The following RARS2 variants were observed in gnomAD, a reference collection of about 807,000 sequenced individuals.
RARS2 encodes the protein arginyl-tRNA synthetase 2, mitochondrial, also known as probable arginine--tRNA ligase, mitochondrial.
RARS2 carries 67 observed loss-of-function variants against 88.5 expected under a neutral mutation model. The ratio of observed to expected loss-of-function variants is 0.76; its 90% CI spans 0.62 to 0.93. RARS2 has a LOEUF of 0.93. Among genes scored for constraint, RARS2 ranks in the 40% least tolerant of loss-of-function variants. RARS2 has a pLI of 0.00. For missense variants in RARS2, 664 were observed against 684.2 expected, an observed-to-expected ratio of 0.97 and a Z score of 0.33; for synonymous variants, 239 against 230.3, an observed-to-expected ratio of 1.04 and a Z score of -0.34.
chr6:87,553,231 C>T (rs1214586789), intron 5 of RARS2, among the ~76,000 whole-genome samples: 4 of 151,374 alleles, frequency 2.6e-5, no homozygotes, highest in Admixed American at 2.6e-4. Context: ...AGAGAGATGC[C>T]TGGCTAGAGA....
chr6:87,520,370 T>C (rs537781634), intron 12 of RARS2, 114 bp from the exon 13 acceptor site: 22 of 806,660 alleles, frequency 2.7e-5, no homozygotes, highest in South Asian at 1.5e-4. Context: ...AAGTCGTCAA[T>C]TGATATGTTT....
At chr6:87,583,355 C>T (rs1005389592) in intron 1 of RARS2, among the ~76,000 whole-genome samples, 11 of 152,046 alleles carry the variant, frequency 7.2e-5, no homozygotes, top group Non-Finnish European at 1.5e-4. Context: ...TTTGCGAGGC[C>T]GAAGCATGCA....
chr6:87,553,101 A>G (rs921652163), intron 5 of RARS2, among the ~76,000 whole-genome samples: 21 of 152,186 alleles, frequency 1.4e-4, no homozygotes, highest in Non-Finnish European at 2.9e-4. Flanking sequence ...TCATCAGCAG[A>G]AAGTGACAAA....
At chr6:87,525,706 C>A (rs908852809) in intron 10 of RARS2, among the ~76,000 whole-genome samples, 1 of 152,074 alleles carries the variant, frequency 6.6e-6, no homozygotes, top group Admixed American at 6.5e-5. Context: ...GCCACCACGT[C>A]CAGTTAATTT....
intron 1 of RARS2, among the ~76,000 whole-genome samples, chr6:87,587,161 A>T (rs1186775373): frequency 6.6e-6 from 1 of 152,144 alleles, no homozygotes; most frequent in Non-Finnish European, 1.5e-5. Context: ...CTGGGGTTAT[A>T]GGCATGAGCC....
chr6:87,557,589 C>T (rs1786375948), intron 4 of RARS2, among the ~76,000 whole-genome samples: 1 of 152,182 alleles, frequency 6.6e-6, no homozygotes, highest in African/African-American at 2.4e-5. Flanking sequence ...AAAAATTGAT[C>T]ATTTAAAATA....
intron 10 of RARS2, 85 bp downstream of exon 10, chr6:87,529,457 A>G: frequency 2.2e-6 from 2 of 896,498 alleles, no homozygotes; most frequent in Non-Finnish European, 3.8e-6. Context: ...TGCACATTGC[A>G]TTCTGTTGTC....
At chr6:87,553,725 G>C (rs1462009574) in intron 5 of RARS2, among the ~76,000 whole-genome samples, 8 of 152,216 alleles carry the variant, frequency 5.3e-5, no homozygotes, top group Non-Finnish European at 1.2e-4. Context: ...GATGGCCTTA[G>C]TGTAGTTCCT....
chr6:87,530,857 C>T lies in RARS2; in HGVS notation c.698G>A (p.Gly233Asp). 1 of 1,614,184 alleles carries T rather than the reference C, an allele frequency of 6.2e-7. No individual in the cohort carries two copies. The highest frequency in any genetic ancestry group is 8.5e-7 in the Non-Finnish European group (1 of 1,180,022). ...CCACAGTGAAAGTGCTTGCACATCGCCCAGTTCCAATCGTTGGAAGAACTC... is the reference window on the plus strand; with the variant it reads ...CCACAGTGAAAGTGCTTGCACATCGTCCAGTTCCAATCGTTGGAAGAACTC... Reference protein sequence around the residue: ...AQEFFQRLELGDVQALSLWQK... With the variant: ...AQEFFQRLELDDVQALSLWQK... The change falls in exon 9 of 20, where the codon GGC becomes GAC. Residue 233 changes from glycine to aspartate, a missense_variant. By Grantham distance (94) the Gly-to-Asp change is moderately conservative (BLOSUM62 -1). Coordinates refer to ENST00000369536, the MANE Select transcript of RARS2 (RefSeq NM_020320.5).
intron 10 of RARS2, 40 bp downstream of exon 10, chr6:87,529,502 G>C: frequency 7.9e-7 from 1 of 1,272,826 alleles, no homozygotes; most frequent in Non-Finnish European, 1.1e-6. Context: ...CAATTTCAAA[G>C]AACAAATAAT....
At chr6:87,580,841 T>C (rs1390192558) in intron 1 of RARS2, among the ~76,000 whole-genome samples, 2 of 152,060 alleles carry the variant, frequency 1.3e-5, no homozygotes, top group South Asian at 2.1e-4. Flanking sequence ...AACTGCCAGA[T>C]CTCGTTTGAG....
Position 87,564,162 on chromosome 6 carries a change from T to C in RARS2, c.181A>G (p.Ile61Val). 1.9e-6 allele frequency: 3 copies of C among 1,613,302 alleles called. No homozygotes were observed. Among genetic ancestry groups the C allele is most frequent in the Non-Finnish European group, 2.5e-6 (3 of 1,179,250 alleles). The change falls in exon 3 of 20, where the codon ATT becomes GTT. Residue 61 changes from isoleucine (I) to valine (V), a missense_variant. Physicochemically the swap from Ile to Val is conservative, Grantham distance 29. Transcript: ENST00000369536. Reference sequence around the variant, plus strand: ...GCTAGTCTCTTGGCTTGAACTTGAATATCTGGTCTTGAATGGTCATTGTCT... The same window carrying C: ...GCTAGTCTCTTGGCTTGAACTTGAACATCTGGTCTTGAATGGTCATTGTCT... ...EKDNDHSRPD[I>V]QVQAKRLAEK... is the part of the protein sequence containing the mutation.
chr6:87,518,194 CAG>C lies in RARS2; in HGVS notation c.1484_1485del (p.Ser495CysfsTer16), dbSNP rs770811557. On this transcript the variant is annotated frameshift_variant, in exon 17 of 20. Coordinates refer to ENST00000369536, the MANE Select transcript of RARS2 (RefSeq NM_020320.5). LOFTEE classifies it high-confidence loss of function. The stretch of plus-strand genomic sequence containing the variant: ...CTGAGAAGATGCTGAAGAATTGAAA[CAG>C]ACTGTGGCTCTTGTAAACAAGCAGT... ...FNTACLQEPQ[S>X]VSILQHLLRF... 6.2e-7 allele frequency: 1 copy of C among 1,614,148 alleles called. No individual in the cohort carries two copies. The highest frequency in any genetic ancestry group is 1.1e-5 in the South Asian group (1 of 91,084).
intron 8 of RARS2, among the ~76,000 whole-genome samples, chr6:87,532,893 C>T (rs1014436765): frequency 2.0e-5 from 3 of 152,082 alleles, no homozygotes; most frequent in Admixed American, 6.5e-5. Context: ...AAAAAGGGTC[C>T]CCATAAGATA....
chr6:87,519,101 CAA>C (rs1772823892), intron 14 of RARS2: 2 of 550,108 alleles, frequency 3.6e-6, no homozygotes, highest in East Asian at 3.3e-5. Flanking sequence ...TTTATTTATT[CAA>C]AAGATACTTG....
intron 17 of RARS2, among the ~76,000 whole-genome samples, chr6:87,517,358 T>A (rs1282925867): frequency 6.6e-6 from 1 of 152,234 alleles, no homozygotes; most frequent in African/African-American, 2.4e-5. Context: ...TCTTCCAAAT[T>A]CTTTGATGGC....
intron 8 of RARS2, among the ~76,000 whole-genome samples, chr6:87,533,081 T>C (rs925273071): frequency 6.6e-6 from 1 of 152,210 alleles, no homozygotes; most frequent in African/African-American, 2.4e-5. Flanking sequence ...TGTCTTTATT[T>C]TCACAAAAGA....
At chr6:87,560,733 CA>C (rs368749463) in intron 4 of RARS2, among the ~76,000 whole-genome samples, 193 of 152,222 alleles carry the variant, frequency 1.3e-3, no homozygotes, top group African/African-American at 3.9e-3. Context: ...ACTAAAAATA[CA>C]AAATTAGCTG....
chr6:87,541,289 G>A (rs7748693), intron 8 of RARS2, among the ~76,000 whole-genome samples: 62,848 of 151,832 alleles, frequency 0.41, 13,106 homozygotes, highest in Admixed American at 0.48. Context: ...CAATCCTCCT[G>A]CCTCAGTCTC....
Sources: gnomAD v4.1 joint callset for allele counts (sites outside exome capture counted in the v4.1 genomes callset) on GRCh38, gnomAD v4.1.1 for gene constraint, MANE v1.5 for transcripts, NCBI Gene and HGNC (gene_info 2026-07-23, HGNC 2026-07-21) for gene names.